The following FBN2 variants were observed in gnomAD, a reference collection of about 807,000 sequenced individuals.
FBN2 encodes the protein fibrillin-2.
Under a neutral mutation model 355.6 loss-of-function variants are expected in FBN2, and 105 were observed. The ratio of observed to expected loss-of-function variants is 0.30; its 90% CI spans 0.25 to 0.35. FBN2 has a LOEUF of 0.35. Among genes scored for constraint, FBN2 ranks in the 10% least tolerant of loss-of-function variants. The pLI is 1.00. For missense variants in FBN2, 3,280 were observed against 3,758.7 expected (o/e 0.87, Z 3.33); for synonymous variants, 1,350 against 1,301.2 (o/e 1.04, Z -0.81).
At chr5:128,389,282 G>A (rs1752448472) in intron 11 of FBN2, among the ~76,000 whole-genome samples, 1 of 152,198 alleles carries the variant, frequency 6.6e-6, no homozygotes. Context: ...GTGGGCAAGT[G>A]CATGCCAGCA....
chr5:128,450,354 G>C (rs1754204313), intron 6 of FBN2, among the ~76,000 whole-genome samples: 1 of 151,950 alleles, frequency 6.6e-6, no homozygotes, highest in Non-Finnish European at 1.5e-5. Flanking sequence ...AAACACAACA[G>C]AGTTAAACTA....
Position 128,463,053 on chromosome 5 carries a change from C to A in FBN2, c.826+1671G>T, listed in dbSNP as rs984679998. ...TATGTTAGAAGGTAATAAAGGGTAC[C>A]GAATAAACAAAAAGTAGTACTATAG... On this transcript the variant is annotated intron_variant, in intron 6 of 64. Coordinates refer to ENST00000262464, the MANE Select transcript of FBN2 (RefSeq NM_001999.4). Among the ~76,000 whole-genome samples, 13 of 151,418 alleles carry A rather than the reference C, an allele frequency of 8.6e-5. 1 individual carries two copies. Among genetic ancestry groups the A allele is most frequent in the Non-Finnish European group, 1.9e-4 (13 of 67,828 alleles).
At chr5:128,329,390 T>C (rs1293772452) in intron 33 of FBN2, among the ~76,000 whole-genome samples, 1 of 152,050 alleles carries the variant, frequency 6.6e-6, no homozygotes, top group Non-Finnish European at 1.5e-5. Context: ...TCAAGCAGAA[T>C]AAGAGGGAAG....
intron 9 of FBN2, among the ~76,000 whole-genome samples, chr5:128,394,119 A>G (rs573103767): frequency 1.1e-4 from 16 of 152,342 alleles, no homozygotes; most frequent in African/African-American, 3.6e-4. Context: ...TTTTGTAAGA[A>G]TGATTAATGT....
intron 11 of FBN2, among the ~76,000 whole-genome samples, chr5:128,391,400 C>T (rs1413316298): frequency 1.3e-5 from 2 of 152,102 alleles, no homozygotes; most frequent in African/African-American, 4.8e-5. Flanking sequence ...AAATGTAAAA[C>T]AACGACACTT....
intron 7 of FBN2, among the ~76,000 whole-genome samples, chr5:128,433,178 A>G (rs1753669977): frequency 6.6e-6 from 1 of 152,158 alleles, no homozygotes; most frequent in Admixed American, 6.5e-5. Context: ...GCTCCAATTT[A>G]AAGAAATGAA....
chr5:128,492,805 A>C (rs1277007046), intron 5 of FBN2, among the ~76,000 whole-genome samples: 1 of 73,952 alleles, frequency 1.4e-5, no homozygotes, highest in South Asian at 4.0e-4. Context: ...CTCCATCTCA[A>C]AAAAAAAAAA....
In FBN2 at chr5:128,272,109, T is replaced by A. The variant is rs1765282114; in HGVS notation, c.7850A>T (p.Glu2617Val). ...ATGLNCEDVD[E>V]CDGNHRCQHG... is the part of the protein sequence containing the mutation. ...TTGGCACCTGTGGTTCCCATCACAT[T>A]CATCAACATCTGCAAAAACAAGCCC... The change falls in exon 62 of 65, where the codon GAA (glutamate) becomes GTA (valine). Residue 2617 changes from glutamate to valine, a missense_variant. Around this residue, in one of 6 missense-constraint regions of FBN2, gnomAD observed 2,284 missense variants for 2,749.5 expected, o/e 0.83. Coordinates refer to ENST00000262464, the MANE Select transcript of FBN2 (RefSeq NM_001999.4). 6.2e-7 allele frequency: 1 copy of A among 1,614,058 alleles called. No homozygotes were observed.
chr5:128,268,986 T>C (rs1031019987), intron 62 of FBN2, among the ~76,000 whole-genome samples: 4 of 152,162 alleles, frequency 2.6e-5, no homozygotes, highest in Admixed American at 6.5e-5. Flanking sequence ...CCTTCTCTTA[T>C]CACTCCTATT....
chr5:128,478,996 C>T (rs192029581), intron 5 of FBN2, among the ~76,000 whole-genome samples: 26 of 152,180 alleles, frequency 1.7e-4, no homozygotes, highest in Non-Finnish European at 2.6e-4. Flanking sequence ...ATATGGGATC[C>T]CTTGTCATTA....
intron 6 of FBN2, among the ~76,000 whole-genome samples, chr5:128,457,941 G>A (rs577498603): frequency 2.2e-4 from 34 of 151,652 alleles, no homozygotes; most frequent in South Asian, 6.3e-4. Flanking sequence ...TATGATAACC[G>A]GATCAAATTC....
chr5:128,323,639 G>T (rs1329057993), intron 34 of FBN2, among the ~76,000 whole-genome samples: 1 of 152,198 alleles, frequency 6.6e-6, no homozygotes, highest in Non-Finnish European at 1.5e-5. Flanking sequence ...CAGGGATAAA[G>T]CCGACTTGAT....
chr5:128,328,546 C>A, intron 34 of FBN2, 150 bp downstream of exon 34: 1 of 859,020 alleles, frequency 1.2e-6, no homozygotes, highest in East Asian at 2.6e-5. Context: ...ATTCATTCGG[C>A]AAAATAATCC....
rs1400872828 is a variant in FBN2, at chr5:128,345,541, T to A, written c.3033A>T (p.Glu1011Asp). ...ACTTTCCAGGAACGGGGTGGATGCA[T>A]TCATCTTCATCCCACTTCAAGTAAC... The part of the protein sequence containing the change: ...EQCYLKWDED[E>D]CIHPVPGKFR... The change falls in exon 24 of 65, where the codon GAA (glutamate) becomes GAT (aspartate). Residue 1011 changes from glutamate (E) to aspartate (D), a missense_variant. By Grantham distance (45) the Glu-to-Asp change is conservative. Around this residue, in one of 6 missense-constraint regions of FBN2, gnomAD observed 2,284 missense variants for 2,749.5 expected, o/e 0.83. Transcript: ENST00000262464. 1 of 1,613,888 alleles carries A rather than the reference T, an allele frequency of 6.2e-7. No individual in the cohort carries two copies. The highest frequency in any genetic ancestry group is 8.5e-7 in the Non-Finnish European group (1 of 1,179,992).
At chr5:128,366,049 C>T (rs1187149853) in intron 17 of FBN2, among the ~76,000 whole-genome samples, 2 of 151,894 alleles carry the variant, frequency 1.3e-5, no homozygotes, top group South Asian at 4.1e-4. Context: ...AATGTTTTAT[C>T]ATAAAATTGA....
chr5:128,364,770 T>C, intron 17 of FBN2, 45 bp from the exon 18 acceptor site: 1 of 1,531,888 alleles, frequency 6.5e-7, no homozygotes, highest in Non-Finnish European at 9.0e-7. Context: ...AAACATGTTA[T>C]TGTTTGTTGA....
At chr5:128,476,771 T>C (rs1170402673) in intron 5 of FBN2, among the ~76,000 whole-genome samples, 1 of 152,232 alleles carries the variant, frequency 6.6e-6, no homozygotes, top group Admixed American at 6.5e-5. Flanking sequence ...TCTGTTTTCA[T>C]GGAACCTTCA....
intron 5 of FBN2, among the ~76,000 whole-genome samples, chr5:128,506,561 A>G (rs1755968050): frequency 6.6e-6 from 1 of 152,134 alleles, no homozygotes; most frequent in Non-Finnish European, 1.5e-5. Flanking sequence ...TGTAAAGTCC[A>G]TCGGATTTTC....
chr5:128,446,732 T>A, intron 6 of FBN2, 126 bp from the exon 7 acceptor site: 1 of 938,416 alleles, frequency 1.1e-6, no homozygotes, highest in South Asian at 1.5e-5. Context: ...GAGAGTGGGG[T>A]TAGAGAAGTA....
Sources: gnomAD v4.1 joint callset for allele counts (sites outside exome capture counted in the v4.1 genomes callset) on GRCh38, gnomAD v4.1.1 for gene constraint, gnomAD v4.1.1 regional missense constraint, MANE v1.5 for transcripts, NCBI Gene and HGNC (gene_info 2026-07-23, HGNC 2026-07-21) for gene names.